RAI1: variants seen among roughly 807,000 people sequenced by gnomAD.
The protein encoded by RAI1 is retinoic acid-induced protein 1.
In RAI1, 9 loss-of-function variants were observed where a neutral mutation model predicts 123.8. The ratio of observed to expected loss-of-function variants is 0.07; its 90% CI spans 0.04 to 0.13. The LOEUF (loss-of-function observed/expected upper bound fraction) is 0.13, where lower values mean the gene tolerates loss of function less well. Among genes scored for constraint, RAI1 ranks in the 10% least tolerant of loss-of-function variants. The pLI, the probability that RAI1 is intolerant of heterozygous loss-of-function variation, is 1.00. For synonymous variants in RAI1, 1,231 were observed against 1,127.3 expected, an observed-to-expected ratio of 1.09 and a Z score of -1.84; for missense variants, 2,256 against 2,545.8, an observed-to-expected ratio of 0.89 and a Z score of 2.45.
rs529281431 is a variant in RAI1 at position 17,799,575 on chromosome 17, C to T, written c.5565+1062C>T. On this transcript the variant is annotated intron_variant, in intron 3 of 5. Transcript: ENST00000353383. This position sits in a 1 kb window ranked among gnomAD's most constrained non-coding sequence, Gnocchi z 4.5. ...GCTGTGTGGTGGCTCTCAGTGGGGA[C>T]GCCTGCAGCCTTCTCTGGCCCCTGC... 5.9e-5 allele frequency among the ~76,000 whole-genome samples: 9 copies of T among 152,268 alleles called. No individual in the cohort carries two copies. The Middle Eastern group carries it at 0.014, about 230-fold the overall frequency.
Position 17,810,059 on chromosome 17 carries a change from A to T in RAI1, c.*78A>T. On this transcript the variant is annotated 3_prime_UTR_variant, in exon 6 of 6. Transcript: ENST00000353383. This position sits in a 1 kb window ranked among gnomAD's most constrained non-coding sequence, Gnocchi z 4.6. Reference sequence around the variant, plus strand: ...GCCGAAGGAGAGGAGCCGCCTGCGCAGCCCCCGGGCCTTTGAGCTGCTCCC... The same window carrying T: ...GCCGAAGGAGAGGAGCCGCCTGCGCTGCCCCCGGGCCTTTGAGCTGCTCCC... 6.5e-7 allele frequency: 1 copy of T among 1,530,166 alleles called. No individual in the cohort carries two copies. The highest frequency in any genetic ancestry group is 8.8e-7 in the Non-Finnish European group (1 of 1,137,028). The allele number at this position is 1,530,166 out of a possible 1,614,324, so 94.8% of individuals were successfully genotyped here.
chr17:17,754,631 G>A (rs950000271), intron 2 of RAI1, among the ~76,000 whole-genome samples: 4 of 152,182 alleles, frequency 2.6e-5, no homozygotes, highest in African/African-American at 9.7e-5. Flanking sequence ...TTAGCCATGG[G>A]AAACCGGCCC....
At chr17:17,716,153 A>G (rs4636969) in intron 1 of RAI1, among the ~76,000 whole-genome samples, 94,323 of 152,102 alleles carry the variant, frequency 0.62, 30,302 homozygotes, top group African/African-American at 0.78. Flanking sequence ...AAGGCCTGGA[A>G]GGAGCATCCC....
rs1436221002 is a variant in RAI1, at chr17:17,798,303, C to T, written c.5355C>T (p.Cys1785=). 6.3e-7 allele frequency: 1 copy of T among 1,596,024 alleles called. No homozygotes were observed. Residue 1785 remains cysteine (C), a synonymous_variant, in exon 3 of 6, where the codon TGC becomes TGT. Transcript: ENST00000353383. ...GLSRRLQSCY[C]CDGREDGGEE... ...CCCGGAGGCTGCAGAGCTGCTACTG[C>T]TGTGATGGCCGGGAGGATGGGGGCG...
chr17:17,732,686 A>G (rs989751963), intron 2 of RAI1, among the ~76,000 whole-genome samples: 1 of 152,162 alleles, frequency 6.6e-6, no homozygotes, highest in Admixed American at 6.5e-5. Flanking sequence ...ACAGAAGAGC[A>G]CACCAAGGCC....
intron 1 of RAI1, among the ~76,000 whole-genome samples, chr17:17,706,172 T>C (rs1297251561): frequency 1.3e-5 from 2 of 151,646 alleles, no homozygotes; most frequent in Non-Finnish European, 2.9e-5. Flanking sequence ...AGCAGCCCTA[T>C]GGGATGCTTG....
rs1237415804 is a variant in RAI1 at position 17,799,593 on chromosome 17, G to A, written c.5565+1080G>A. ...GTGGGGACGCCTGCAGCCTTCTCTG[G>A]CCCCTGCCCTGAGTCCCATCCCCTC... On this transcript the variant is annotated intron_variant, in intron 3 of 5. Coordinates refer to ENST00000353383, the MANE Select transcript of RAI1 (RefSeq NM_030665.4). This position sits in a 1 kb window ranked among gnomAD's most constrained non-coding sequence, Gnocchi z 4.5. 6.6e-6 allele frequency among the ~76,000 whole-genome samples: 1 copy of A among 152,254 alleles called. No individual in the cohort carries two copies. Among genetic ancestry groups the A allele is most frequent in the Non-Finnish European group, 1.5e-5 (1 of 67,990 alleles).
intron 2 of RAI1, chr17:17,777,171 G>C (rs1188808421): frequency 1.3e-5 from 2 of 152,088 alleles, no homozygotes; most frequent in African/African-American, 2.4e-5. Context: ...GATGACTTCG[G>C]GCCCAGGTTA....
chr17:17,784,089 G>C (rs996571378), intron 2 of RAI1, among the ~76,000 whole-genome samples: 5 of 152,132 alleles, frequency 3.3e-5, no homozygotes, highest in Non-Finnish European at 5.9e-5. Flanking sequence ...GGCCAGAAAA[G>C]CGTTTCTTTA....
chr17:17,773,760 C>T (rs933880876), intron 2 of RAI1, among the ~76,000 whole-genome samples: 11 of 152,264 alleles, frequency 7.2e-5, no homozygotes, highest in African/African-American at 2.2e-4. Context: ...CTGCCACAGG[C>T]GCCACACTGG....
chr17:17,756,165 C>CG (rs1299133926), intron 2 of RAI1, among the ~76,000 whole-genome samples: 1 of 151,810 alleles, frequency 6.6e-6, no homozygotes, highest in East Asian at 1.9e-4. Context: ...GGACCTGGCA[C>CG]GGGGGTGCCT....
intron 2 of RAI1, among the ~76,000 whole-genome samples, chr17:17,752,729 G>A (rs2030257029): frequency 6.6e-6 from 1 of 152,148 alleles, no homozygotes; most frequent in South Asian, 2.1e-4. Context: ...CCACCACAGG[G>A]CCTTTGCACG....
At chr17:17,782,483 A>C (rs2031624958) in intron 2 of RAI1, among the ~76,000 whole-genome samples, 1 of 151,188 alleles carries the variant, frequency 6.6e-6, no homozygotes, top group African/African-American at 2.4e-5. Flanking sequence ...CCCCCTCTGC[A>C]CCCGGTCGGT....
intron 2 of RAI1, among the ~76,000 whole-genome samples, chr17:17,770,495 A>G (rs2031110636): frequency 6.6e-6 from 1 of 152,146 alleles, no homozygotes; most frequent in South Asian, 2.1e-4. Flanking sequence ...TGCCTCTTCC[A>G]TGATTGGGCT....
intron 1 of RAI1, among the ~76,000 whole-genome samples, chr17:17,689,667 GT>G: frequency 6.6e-6 from 1 of 152,340 alleles, no homozygotes; most frequent in South Asian, 2.1e-4. Flanking sequence ...CAGATCCAGG[GT>G]CTACCACTTG....
chr17:17,811,241 A>G lies in RAI1; in HGVS notation c.*1260A>G. 2.9e-6 allele frequency: 1 copy of G among 339,406 alleles called. No individual in the cohort carries two copies. The highest frequency in any genetic ancestry group is 5.7e-6 in the Non-Finnish European group (1 of 174,470). The allele number at this position is 339,406 out of a possible 1,614,324, so 21.0% of individuals were successfully genotyped here. A position where few individuals can be genotyped will look rare whatever the true frequency, so the allele number is the denominator to read the frequency against. On this transcript the variant is annotated 3_prime_UTR_variant, in exon 6 of 6. Transcript: ENST00000353383. ...TCTGGCCTCGTTATATAGTGTATAT[A>G]TATGTATACATATACATATATATAA...
At chr17:17,737,987 AG>A (rs1256718637) in intron 2 of RAI1, among the ~76,000 whole-genome samples, 2 of 152,076 alleles carry the variant, frequency 1.3e-5, no homozygotes, top group Non-Finnish European at 2.9e-5. Flanking sequence ...CCCTGGCCCC[AG>A]AAGGAGGGAG....
intron 2 of RAI1, among the ~76,000 whole-genome samples, chr17:17,733,038 A>C (rs1916318720): frequency 6.6e-6 from 1 of 152,010 alleles, no homozygotes. Context: ...AGGGCCACAC[A>C]CCCACAGGGC....
intron 2 of RAI1, among the ~76,000 whole-genome samples, chr17:17,737,243 C>A (rs1916459408): frequency 6.6e-6 from 1 of 152,136 alleles, no homozygotes; most frequent in African/African-American, 2.4e-5. Flanking sequence ...CATAGCTCAG[C>A]CTGGCTGTTT....
Sources: gnomAD v4.1 joint callset for allele counts (sites outside exome capture counted in the v4.1 genomes callset) on GRCh38, gnomAD v4.1.1 for gene constraint, Gnocchi (gnomAD v3.1) non-coding constraint, MANE v1.5 for transcripts, NCBI Gene and HGNC (gene_info 2026-07-23, HGNC 2026-07-21) for gene names.